KSR2: variants seen among roughly 807,000 people sequenced by gnomAD.
KSR2 encodes kinase suppressor of ras 2.
In KSR2, 25 loss-of-function variants were observed where a neutral mutation model predicts 107.8. That is an observed-to-expected ratio of 0.23 (90% CI 0.17 to 0.32). The LOEUF (loss-of-function observed/expected upper bound fraction) is 0.32. KSR2 is among the 10% of genes least tolerant of loss of function. KSR2 has a pLI of 1.00. For missense variants in KSR2, 887 were observed against 1,268.9 expected (o/e 0.70, Z 4.57); for synonymous variants, 480 against 507.0 (o/e 0.95, Z 0.71).
At chr12:117,806,072 C>A (rs1467105494) in intron 3 of KSR2, among the ~76,000 whole-genome samples, 1 of 152,166 alleles carries the variant, frequency 6.6e-6, no homozygotes, top group Non-Finnish European at 1.5e-5. Context: ...GTAATATGAT[C>A]CCCAGCTGAG....
At chr12:117,774,250 G>A (rs976819131) in intron 3 of KSR2, among the ~76,000 whole-genome samples, 23 of 152,160 alleles carry the variant, frequency 1.5e-4, no homozygotes, top group Non-Finnish European at 1.3e-4. Flanking sequence ...GCCTGAAACC[G>A]AAAATCCAGG....
chr12:117,564,413 T>C (rs1024438662), intron 7 of KSR2, among the ~76,000 whole-genome samples: 4 of 152,138 alleles, frequency 2.6e-5, no homozygotes, highest in Non-Finnish European at 5.9e-5. Context: ...AGGCACCAAA[T>C]AGGTCAACGC....
chr12:117,864,606 G>T (rs1053550311), intron 1 of KSR2, among the ~76,000 whole-genome samples: 4 of 152,246 alleles, frequency 2.6e-5, no homozygotes, highest in African/African-American at 4.8e-5. Flanking sequence ...CATTCTGGAC[G>T]CTAGAAGTTT....
intron 4 of KSR2, among the ~76,000 whole-genome samples, chr12:117,757,279 G>C (rs1288477939): frequency 2.6e-5 from 4 of 152,208 alleles, no homozygotes; most frequent in African/African-American, 9.6e-5. Flanking sequence ...AGTGGAGCCT[G>C]AAGATATAAC....
chr12:117,964,195 T>C (rs1245011841), intron 1 of KSR2, among the ~76,000 whole-genome samples: 1 of 152,110 alleles, frequency 6.6e-6, no homozygotes, highest in Admixed American at 6.5e-5. Context: ...AGAGAATCAC[T>C]GGAACCCAGG....
chr12:117,690,834 C>G (rs1268014057), intron 4 of KSR2, among the ~76,000 whole-genome samples: 1 of 152,212 alleles, frequency 6.6e-6, no homozygotes, highest in African/African-American at 2.4e-5. Flanking sequence ...CACTGTGGTA[C>G]TTCAGTGGCT....
intron 4 of KSR2, among the ~76,000 whole-genome samples, chr12:117,698,972 A>G (rs888927552): frequency 6.6e-6 from 1 of 152,160 alleles, no homozygotes; most frequent in South Asian, 2.1e-4. Flanking sequence ...CTGCCTAAAT[A>G]AGCCCTCATC....
chr12:117,505,177 G>A (rs796609188), intron 14 of KSR2, among the ~76,000 whole-genome samples: 44 of 152,132 alleles, frequency 2.9e-4, no homozygotes, highest in African/African-American at 9.4e-4. Context: ...GGTTGGTTCC[G>A]TGTCTTGGCA....
chr12:117,789,256 C>G lies in KSR2; in HGVS notation c.473-27732G>C, dbSNP rs544517083. The stretch of plus-strand genomic sequence containing the variant: ...GCCTTCTGTAAGGCAAAAGAGAAAT[C>G]TGATCCTTAATGAAGTAGATACAGT... On this transcript the variant is annotated intron_variant, in intron 3 of 19. Transcript: ENST00000339824. 2.6e-5 allele frequency among the ~76,000 whole-genome samples: 4 copies of G among 152,326 alleles called. No homozygotes were observed. In the East Asian group the frequency reaches 7.7e-4, roughly 29 times the overall value.
intron 4 of KSR2, among the ~76,000 whole-genome samples, chr12:117,668,903 AC>A (rs1426187173): frequency 6.6e-6 from 1 of 152,172 alleles, no homozygotes; most frequent in Non-Finnish European, 1.5e-5. Flanking sequence ...AAAACGAGTC[AC>A]ATAGAGCAGG....
At chr12:117,927,241 C>T (rs10850940) in intron 1 of KSR2, among the ~76,000 whole-genome samples, 44,117 of 151,236 alleles carry the variant, frequency 0.29, 8,560 homozygotes, top group East Asian at 0.78. Flanking sequence ...CTGGGTGTGG[C>T]GGTGCATGCC....
chr12:117,599,534 T>C (rs951203288), intron 5 of KSR2, among the ~76,000 whole-genome samples: 4 of 152,188 alleles, frequency 2.6e-5, no homozygotes, highest in African/African-American at 9.7e-5. Flanking sequence ...CTCAGCACTG[T>C]TGACATTTGG....
chr12:117,783,337 C>T (rs376698403), intron 3 of KSR2, among the ~76,000 whole-genome samples: 36 of 152,292 alleles, frequency 2.4e-4, no homozygotes, highest in African/African-American at 7.2e-4. Flanking sequence ...ATCATGTCAA[C>T]GCATTGAGCA....
chr12:117,782,160 G>A (rs1453546177), intron 3 of KSR2, among the ~76,000 whole-genome samples: 2 of 152,158 alleles, frequency 1.3e-5, no homozygotes, highest in Admixed American at 1.3e-4. Context: ...AGAAGCCTTG[G>A]TCAGCTTCTG....
Position 117,860,343 on chromosome 12 carries a change from G to A in KSR2, c.269C>T (p.Pro90Leu). 6.2e-7 allele frequency: 1 copy of A among 1,613,848 alleles called. No homozygotes were observed. The highest frequency in any genetic ancestry group is 8.5e-7 in the Non-Finnish European group (1 of 1,179,808). The change falls in exon 2 of 20, where the codon CCC (proline) becomes CTC (leucine). Residue 90 changes from proline to leucine, a missense_variant. Around this residue, in one of 8 missense-constraint regions of KSR2, gnomAD observed 399 missense variants for 479.5 expected, o/e 0.83. Transcript: ENST00000339824. ...QERNAELDGF[P>L]QLRHWFRIVD... ...GATTCGGAACCAGTGCCGTAGCTGG[G>A]GGAAGCCGTCCAGCTCCGCGTTGCG...
chr12:117,924,572 C>CAAA (rs58789868), intron 1 of KSR2, among the ~76,000 whole-genome samples: 192 of 39,406 alleles, frequency 4.9e-3, no homozygotes, highest in Non-Finnish European at 6.2e-3. Context: ...AGCTCCATCT[C>CAAA]AAAAAAAAAA....
At chr12:117,543,130 G>C (rs987366394) in intron 9 of KSR2, among the ~76,000 whole-genome samples, 7 of 152,120 alleles carry the variant, frequency 4.6e-5, no homozygotes, top group African/African-American at 1.4e-4. Flanking sequence ...TATTTCTCTG[G>C]AATAAATGCT....
At chr12:117,517,632 T>C (rs878961066) in intron 14 of KSR2, 1 of 353,148 alleles carries the variant, frequency 2.8e-6, no homozygotes, top group African/African-American at 2.1e-5. Context: ...TGCTGTACAT[T>C]TATAGCGCTT....
intron 1 of KSR2, among the ~76,000 whole-genome samples, chr12:117,862,730 T>C (rs868266483): frequency 0.14 from 15,014 of 104,532 alleles, 524 homozygotes; most frequent in African/African-American, 0.19. Flanking sequence ...TTCCCCCCCT[T>C]TTTTTTTTTT....
Sources: allele counts gnomAD v4.1 joint callset (sites outside exome capture counted in the v4.1 genomes callset), GRCh38; gene constraint gnomAD v4.1.1; regional missense constraint gnomAD v4.1.1; transcripts MANE v1.5; gene names NCBI Gene and HGNC (gene_info 2026-07-23, HGNC 2026-07-21).